Variants in RNF130 observed in about 807,000 individuals in gnomAD.
RNF130 encodes E3 ubiquitin-protein ligase RNF130.
In RNF130, 21 loss-of-function variants were observed where a neutral mutation model predicts 44.6. The observed-to-expected ratio is 0.47, with a 90% CI of 0.33 to 0.68. The LOEUF (loss-of-function observed/expected upper bound fraction) is 0.68. Ranked by LOEUF, RNF130 falls within the 30% of genes least tolerant of loss-of-function variation. The pLI is 0.02. For synonymous variants in RNF130, 214 were observed against 210.4 expected (o/e 1.02, Z -0.15); for missense variants, 479 against 560.6 (o/e 0.85, Z 1.47).
intron 5 of RNF130, among the ~76,000 whole-genome samples, chr5:179,973,166 C>T (rs1010334050): frequency 1.5e-4 from 23 of 152,274 alleles, no homozygotes; most frequent in Admixed American, 6.5e-4. Flanking sequence ...CCAAATTCCC[C>T]GCTAGTCCAG....
At chr5:179,981,798 C>A (rs1409548463) in intron 3 of RNF130, among the ~76,000 whole-genome samples, 1 of 152,244 alleles carries the variant, frequency 6.6e-6, no homozygotes, top group Admixed American at 6.5e-5. Flanking sequence ...AAAATCCACA[C>A]ACTGCGTGTG....
At chr5:180,032,076 T>TA (rs1764142776) in intron 2 of RNF130, among the ~76,000 whole-genome samples, 1 of 152,270 alleles carries the variant, frequency 6.6e-6, no homozygotes, top group African/African-American at 2.4e-5. Flanking sequence ...TGTTGATTTA[T>TA]AAGAGTTCTT....
chr5:180,023,010 A>G (rs2113107729), intron 2 of RNF130, among the ~76,000 whole-genome samples: 1 of 152,362 alleles, frequency 6.6e-6, no homozygotes, highest in East Asian at 1.9e-4. Flanking sequence ...TCTGTTATTT[A>G]CATTAAAGAA....
At chr5:179,989,175 T>C (rs1047957476) in intron 3 of RNF130, among the ~76,000 whole-genome samples, 2 of 152,180 alleles carry the variant, frequency 1.3e-5, no homozygotes, top group Non-Finnish European at 1.5e-5. Context: ...TATAAAACTA[T>C]CCCATCAGAT....
intron 1 of RNF130, among the ~76,000 whole-genome samples, chr5:180,051,890 G>A (rs1764694907): frequency 6.6e-6 from 1 of 152,210 alleles, no homozygotes; most frequent in African/African-American, 2.4e-5. Context: ...GATACTTCAT[G>A]CAAGATGCTA....
chr5:179,912,296 C>G (rs1393117485), exon 8 of RNF130: 3 of 152,250 alleles, frequency 2.0e-5, no homozygotes, highest in Non-Finnish European at 2.9e-5. Context: ...AGCTCCTCCT[C>G]CTGTACAGGA....
At chr5:179,966,440 G>A (rs73344319) in intron 7 of RNF130, among the ~76,000 whole-genome samples, 2,476 of 152,232 alleles carry the variant, frequency 0.016, 69 homozygotes, top group African/African-American at 0.056. Flanking sequence ...GAGCACGAGC[G>A]CTCACAGCAT....
intron 5 of RNF130, among the ~76,000 whole-genome samples, chr5:179,973,699 C>T (rs1762640701): frequency 6.6e-6 from 1 of 152,142 alleles, no homozygotes; most frequent in Admixed American, 6.5e-5. Flanking sequence ...CCCAGGAGGC[C>T]TCAGAAAGAG....
At chr5:180,000,990 T>C (rs1763320985) in intron 3 of RNF130, among the ~76,000 whole-genome samples, 2 of 152,198 alleles carry the variant, frequency 1.3e-5, no homozygotes, top group African/African-American at 4.8e-5. Context: ...GGTGGAACAA[T>C]CACTTCTTTC....
intron 3 of RNF130, among the ~76,000 whole-genome samples, chr5:179,983,905 T>C (rs1762897146): frequency 6.6e-6 from 1 of 152,174 alleles, no homozygotes; most frequent in African/African-American, 2.4e-5. Flanking sequence ...CTATGGAAAA[T>C]GGGATTTCTT....
At chr5:180,061,462 T>C (rs530716908) in intron 1 of RNF130, among the ~76,000 whole-genome samples, 1 of 152,292 alleles carries the variant, frequency 6.6e-6, no homozygotes, top group South Asian at 2.1e-4. Context: ...CATAGTCTCA[T>C]TGTCTCACAG....
chr5:179,939,285 G>T (rs377508544), intron 7 of RNF130, among the ~76,000 whole-genome samples: 1 of 151,216 alleles, frequency 6.6e-6, no homozygotes. Context: ...CAGAAAAAAA[G>T]TGGTCCTATT....
At chr5:179,970,381 AGTG>A (rs777149316) in intron 6 of RNF130, 26 bp downstream of exon 6, 1 of 1,512,388 alleles carries the variant, frequency 6.6e-7, no homozygotes, top group South Asian at 1.2e-5. Context: ...AATATACAAA[AGTG>A]GTAACAAATA....
chr5:179,935,798 C>G (rs988542824), intron 7 of RNF130, among the ~76,000 whole-genome samples: 1 of 151,284 alleles, frequency 6.6e-6, no homozygotes, highest in African/African-American at 2.4e-5. Flanking sequence ...TTAGTTGTTA[C>G]CCTGGATTAT....
chr5:180,054,123 A>G (rs1422738108), intron 1 of RNF130, among the ~76,000 whole-genome samples: 1 of 152,050 alleles, frequency 6.6e-6, no homozygotes, highest in Non-Finnish European at 1.5e-5. Context: ...CAGCAAATAC[A>G]TTCTTAGAAT....
At chr5:179,991,476 C>T (rs1004599300) in intron 3 of RNF130, among the ~76,000 whole-genome samples, 2 of 152,152 alleles carry the variant, frequency 1.3e-5, no homozygotes, top group Non-Finnish European at 2.9e-5. Flanking sequence ...TCTGAAACAC[C>T]AATGATTCAG....
chr5:180,071,334 G>C, intron 1 of RNF130, 122 bp downstream of exon 1: 1 of 992,060 alleles, frequency 1.0e-6, no homozygotes, highest in Admixed American at 4.3e-5. Context: ...CTCGACCCTG[G>C]CTGGGGCTGT....
At position 179,921,450 on chromosome 5, in the gene RNF130, C is replaced by T. The variant is rs181670954; in HGVS notation, c.1151-1024G>A. 7.9e-5 allele frequency among the ~76,000 whole-genome samples: 12 copies of T among 152,362 alleles called. No homozygotes were observed. In the East Asian group the frequency reaches 2.3e-3, roughly 29 times the overall value. On this transcript the variant is annotated intron_variant, in intron 7 of 7. Coordinates refer to the RNF130 transcript ENST00000522208. ...CACATCTCCTAGACCTGTAAATACT[C>T]AGAACTGAAATTACTGCAAAAACTG...
At chr5:179,996,722 C>T (rs1029449233) in intron 3 of RNF130, among the ~76,000 whole-genome samples, 14 of 152,126 alleles carry the variant, frequency 9.2e-5, no homozygotes, top group South Asian at 4.1e-4. Flanking sequence ...GCTAGTATTT[C>T]GTTGGGGATT....
Sources: gnomAD v4.1 joint callset for allele counts (sites outside exome capture counted in the v4.1 genomes callset) on GRCh38, gnomAD v4.1.1 for gene constraint, MANE v1.5 for transcripts, NCBI Gene and HGNC (gene_info 2026-07-23, HGNC 2026-07-21) for gene names.